Variants in PIK3CD observed in about 807,000 individuals in gnomAD.
PIK3CD encodes the protein phosphatidylinositol-4,5-bisphosphate 3-kinase catalytic subunit delta.
PIK3CD carries 20 observed loss-of-function variants against 122.9 expected under a neutral mutation model. The observed-to-expected ratio is 0.16, with a 90% CI of 0.11 to 0.24. The LOEUF is 0.24. Among genes scored for constraint, PIK3CD ranks in the 10% least tolerant of loss-of-function variants. PIK3CD has a pLI of 1.00. For synonymous variants in PIK3CD, 596 were observed against 593.4 expected, an observed-to-expected ratio of 1.00 and a Z score of -0.06; for missense variants, 787 against 1,406.3, an observed-to-expected ratio of 0.56 and a Z score of 7.04.
intron 6 of PIK3CD, 109 bp downstream of exon 6, chr1:9,716,728 G>A: frequency 7.8e-7 from 1 of 1,278,246 alleles, no homozygotes; most frequent in Non-Finnish European, 1.1e-6. Context: ...GCCGAGCCAG[G>A]CCTTTGGGTC....
chr1:9,702,996 A>G (rs181546423), intron 2 of PIK3CD, among the ~76,000 whole-genome samples: 6 of 152,340 alleles, frequency 3.9e-5, no homozygotes, highest in African/African-American at 7.2e-5. Context: ...AGCTTCAGGC[A>G]TGGCTGGATC....
In PIK3CD at chr1:9,691,476, C is replaced by G. The variant is rs1363359547; in HGVS notation, c.-128C>G. The G allele has an allele frequency of 1.0e-5, 4 of 398,568 alleles. No individual in the cohort carries two copies. The highest frequency in any genetic ancestry group is 1.3e-5 in the Non-Finnish European group (3 of 226,068). 24.7% of individuals were successfully genotyped at this position (398,568 alleles called of 1,614,324 possible). A position where few individuals can be genotyped will look rare whatever the true frequency, so the allele number is the denominator to read the frequency against. On this transcript the variant is annotated 5_prime_UTR_variant, in exon 2 of 24. Transcript: ENST00000377346. ...TTCTTTTCCCCAACAGATAAGGAGT[C>G]AGGCCAGGGCGGGATGACACTCATT...
At chr1:9,629,745 C>A in the PIK3CD span, among the ~76,000 whole-genome samples, 1 of 152,098 alleles carries the variant, frequency 6.6e-6, no homozygotes, top group Non-Finnish European at 1.5e-5. Context: ...GGGTACTCGC[C>A]GGACTCCCAG....
At chr1:9,695,711 A>G (rs916979377) in intron 2 of PIK3CD, among the ~76,000 whole-genome samples, 169 of 151,904 alleles carry the variant, frequency 1.1e-3, no homozygotes, top group Non-Finnish European at 2.0e-3. Flanking sequence ...GCGTGGTGGC[A>G]TGTGCCTGTA....
intron 2 of PIK3CD, among the ~76,000 whole-genome samples, chr1:9,706,693 A>C (rs970230140): frequency 3.9e-5 from 6 of 152,130 alleles, no homozygotes; most frequent in Admixed American, 3.3e-4. Context: ...AATTTTCTCT[A>C]TTGATTATGT....
At chr1:9,693,907 T>C (rs1204860581) in intron 2 of PIK3CD, among the ~76,000 whole-genome samples, 1 of 151,922 alleles carries the variant, frequency 6.6e-6, no homozygotes, top group Non-Finnish European at 1.5e-5. Context: ...GCAGGAAGAT[T>C]ACTTGAAAGA....
In PIK3CD at chr1:9,717,718, T is replaced by A; in HGVS notation, c.1020+92T>A. 8.5e-7 allele frequency: 1 copy of A among 1,179,720 alleles called. No individual in the cohort carries two copies. Among genetic ancestry groups the A allele is most frequent in the East Asian group, 2.5e-5 (1 of 39,936 alleles). The allele number at this position is 1,179,720 out of a possible 1,614,324, so 73.1% of individuals were successfully genotyped here. On this transcript the variant is annotated intron_variant, in intron 8 of 23. Transcript: ENST00000377346. The surrounding 1 kb of genome is among the most constrained non-coding windows in gnomAD (Gnocchi z 5.4). ...AGGGGTAGCAGAGGAAGGAGGGGGA[T>A]CACATGAAAGCCACCTGACCACATT...
chr1:9,709,660 C>T (rs924325721), intron 2 of PIK3CD, among the ~76,000 whole-genome samples: 1 of 151,568 alleles, frequency 6.6e-6, no homozygotes, highest in African/African-American at 2.4e-5. Flanking sequence ...GCTATGATGG[C>T]ACCACTGTAC....
chr1:9,683,386 C>T (rs1416089171), intron 1 of PIK3CD, among the ~76,000 whole-genome samples: 4 of 149,236 alleles, frequency 2.7e-5, no homozygotes, highest in Non-Finnish European at 5.9e-5. Flanking sequence ...TGGAGTGAGC[C>T]GAGATCGCGC....
At chr1:9,650,278 C>G (rs1318913875), upstream of PIK3CD, among the ~76,000 whole-genome samples, 2 of 152,158 alleles carry the variant, frequency 1.3e-5, no homozygotes, top group East Asian at 3.9e-4. Context: ...AAAAATTAGC[C>G]AGGCACGGTG....
chr1:9,636,163 C>T, the PIK3CD span, among the ~76,000 whole-genome samples: 1 of 152,148 alleles, frequency 6.6e-6, no homozygotes, highest in Non-Finnish European at 1.5e-5. Flanking sequence ...GTGTGTATGT[C>T]ACACACAGTT....
At chr1:9,679,609 C>T (rs1362508825) in intron 1 of PIK3CD, among the ~76,000 whole-genome samples, 1 of 152,180 alleles carries the variant, frequency 6.6e-6, no homozygotes, top group Non-Finnish European at 1.5e-5. Flanking sequence ...CTGATGTCAG[C>T]ATCACAGAGC....
Position 9,724,687 on chromosome 1 carries a change from C to CCATT in PIK3CD, c.2865-116_2865-113dup. ...GCAGAACTGGAGGCCTTGTGTCCAC[C>CCATT]CATTATCAGGGCAAGGGCAGGTGTC... On this transcript the variant is annotated intron_variant, in intron 22 of 23. Coordinates refer to ENST00000377346, the MANE Select transcript of PIK3CD (RefSeq NM_005026.5). The surrounding 1 kb of genome is among the most constrained non-coding windows in gnomAD (Gnocchi z 7.3). The CCATT allele has an allele frequency of 7.3e-7, 1 of 1,360,792 alleles. No individual in the cohort carries two copies. Among genetic ancestry groups the CCATT allele is most frequent in the South Asian group, 1.2e-5 (1 of 85,506 alleles). 84.3% of individuals were successfully genotyped at this position (1,360,792 alleles called of 1,614,324 possible).
chr1:9,640,627 G>A, the PIK3CD span, among the ~76,000 whole-genome samples: 1 of 151,886 alleles, frequency 6.6e-6, no homozygotes, highest in African/African-American at 2.4e-5. Flanking sequence ...CTGGTGTGCT[G>A]GTGCATTCTC....
the PIK3CD span, among the ~76,000 whole-genome samples, chr1:9,638,745 A>G: frequency 6.6e-6 from 1 of 150,536 alleles, no homozygotes; most frequent in Non-Finnish European, 1.5e-5. Flanking sequence ...AAAAAAAAAA[A>G]AAAAACTTCA....
chr1:9,628,850 A>G, the PIK3CD span, among the ~76,000 whole-genome samples: 1 of 151,984 alleles, frequency 6.6e-6, no homozygotes, highest in Non-Finnish European at 1.5e-5. Context: ...GACTAGGGAG[A>G]CACTGGGCAG....
At position 9,723,389 on chromosome 1, in the gene PIK3CD, C is replaced by G. The variant is rs957573196; in HGVS notation, c.2594+97C>G. ...AGAACAAAGGAGCGGGGAGGGGCCTCAGACCATCTTTGTGGCTACTTGGCT... is the reference window on the plus strand; with the variant it reads ...AGAACAAAGGAGCGGGGAGGGGCCTGAGACCATCTTTGTGGCTACTTGGCT... On this transcript the variant is annotated intron_variant, in intron 20 of 23. Transcript: ENST00000377346. This position sits in a 1 kb window ranked among gnomAD's most constrained non-coding sequence, Gnocchi z 4.9. The G allele has an allele frequency of 3.8e-6, 5 of 1,311,272 alleles. No individual in the cohort carries two copies. Among genetic ancestry groups the G allele is most frequent in the Non-Finnish European group, 5.5e-6 (5 of 908,814 alleles). 81.2% of individuals were successfully genotyped at this position (1,311,272 alleles called of 1,614,324 possible).
rs147079051 is a variant in PIK3CD at position 9,718,766 on chromosome 1, G to A, written c.1093G>A (p.Val365Met). 15 of 1,610,584 alleles carry A rather than the reference G, an allele frequency of 9.3e-6. No homozygotes were observed. The highest frequency in any genetic ancestry group is 1.3e-5 in the African/African-American group (1 of 74,794). ...GACGGTGTCCAGCTCGGAGGTGAGC[G>A]TGTGCTCGGAGCCCGTGTGGAAGCA... ...CKTVSSSEVS[V>M]CSEPVWKQRL... Residue 365 changes from valine to methionine, a missense_variant, in exon 9 of 24, where the codon GTG (valine) becomes ATG (methionine). Val to Met is a conservative substitution (Grantham distance 21). Around this residue, in one of 6 missense-constraint regions of PIK3CD, gnomAD observed 592 missense variants for 920.6 expected, o/e 0.64. Transcript: ENST00000377346. The surrounding 1 kb of genome is among the most constrained non-coding windows in gnomAD (Gnocchi z 7.2).
At chr1:9,716,881 G>T in intron 6 of PIK3CD, 78 bp from the exon 7 acceptor site, 1 of 1,594,452 alleles carries the variant, frequency 6.3e-7, no homozygotes, top group Non-Finnish European at 8.6e-7. Flanking sequence ...TGGGCAGCTT[G>T]GGGGGTCCTG....
Sources: allele counts gnomAD v4.1 joint callset (sites outside exome capture counted in the v4.1 genomes callset), GRCh38; gene constraint gnomAD v4.1.1; regional missense constraint gnomAD v4.1.1; non-coding constraint Gnocchi (gnomAD v3.1); transcripts MANE v1.5; gene names NCBI Gene and HGNC (gene_info 2026-07-23, HGNC 2026-07-21).